The following MTA3 variants were observed in gnomAD, a reference collection of about 807,000 sequenced individuals.
The protein encoded by MTA3 is metastasis-associated protein MTA3.
MTA3 carries 34 observed loss-of-function variants against 83.5 expected under a neutral mutation model. That is an observed-to-expected ratio of 0.41 (90% confidence interval 0.31 to 0.54). MTA3 has a LOEUF of 0.54. MTA3 is among the 20% of genes least tolerant of loss of function. The pLI is 0.33. For missense variants in MTA3, 761 were observed against 726.4 expected, an observed-to-expected ratio of 1.05 and a Z score of -0.55; for synonymous variants, 303 against 252.7, an observed-to-expected ratio of 1.20 and a Z score of -1.89.
intron 3 of MTA3, among the ~76,000 whole-genome samples, chr2:42,602,243 C>G (rs1311215607): frequency 6.6e-6 from 1 of 152,122 alleles, no homozygotes; most frequent in African/African-American, 2.4e-5. Context: ...TCCTGAAGTG[C>G]TGGGATTACA....
At chr2:42,635,394 G>A (rs1264819386) in intron 4 of MTA3, among the ~76,000 whole-genome samples, 2 of 152,052 alleles carry the variant, frequency 1.3e-5, no homozygotes, top group African/African-American at 2.4e-5. Flanking sequence ...TTGGGAGGCC[G>A]AGGCGGGTGG....
At chr2:42,743,165 G>A (rs1184516269) in intron 16 of MTA3, among the ~76,000 whole-genome samples, 1 of 152,148 alleles carries the variant, frequency 6.6e-6, no homozygotes, top group Non-Finnish European at 1.5e-5. Flanking sequence ...GGCTGTACAG[G>A]CCTCTCATCC....
At chr2:42,529,913 C>T (rs1389556047) in intron 2 of MTA3, among the ~76,000 whole-genome samples, 1 of 152,184 alleles carries the variant, frequency 6.6e-6, no homozygotes, top group Non-Finnish European at 1.5e-5. Flanking sequence ...ATCGGACAGG[C>T]GCGGTGGCTC....
intron 6 of MTA3, 60 bp from the exon 7 acceptor site, chr2:42,656,140 G>T: frequency 8.1e-7 from 1 of 1,233,476 alleles, no homozygotes. Context: ...GTTGTCATCA[G>T]TGGTATGAGA....
intron 4 of MTA3, among the ~76,000 whole-genome samples, chr2:42,611,577 C>T (rs187011194): frequency 6.6e-6 from 1 of 152,132 alleles, no homozygotes; most frequent in Non-Finnish European, 1.5e-5. Flanking sequence ...CTTTGGGAGG[C>T]CTAGGTGGGA....
intron 8 of MTA3, among the ~76,000 whole-genome samples, chr2:42,666,566 G>A (rs1690253686): frequency 6.6e-6 from 1 of 152,144 alleles, no homozygotes; most frequent in Non-Finnish European, 1.5e-5. Context: ...GCCCCACATA[G>A]TTAACTCTGT....
Position 42,586,518 on chromosome 2 carries a change from A to T in MTA3, c.190+7318A>T, listed in dbSNP as rs1450456953. ...CACACACACACACACACACACAAAC[A>T]CACAAAGGAAGGAAAAACACACACA... On this transcript the variant is annotated intron_variant, in intron 3 of 16. Coordinates refer to ENST00000405094, the MANE Select transcript of MTA3 (RefSeq NM_001330442.2). 7.6e-5 allele frequency among the ~76,000 whole-genome samples: 11 copies of T among 145,384 alleles called. No individual in the cohort carries two copies. In the Admixed American group the frequency reaches 7.9e-4, roughly 10 times the overall value.
chr2:42,533,083 CTTTT>C (rs1165012015), intron 2 of MTA3: 24 of 116,972 alleles, frequency 2.1e-4, no homozygotes, highest in South Asian at 7.5e-4. Context: ...GTGGGGCATT[CTTTT>C]TTTTTTTTTT....
At chr2:42,665,104 A>G (rs1398406395) in intron 8 of MTA3, among the ~76,000 whole-genome samples, 2 of 152,238 alleles carry the variant, frequency 1.3e-5, no homozygotes, top group East Asian at 1.9e-4. Context: ...TACAATATAC[A>G]AAGAAGAATA....
intron 2 of MTA3, among the ~76,000 whole-genome samples, chr2:42,533,831 CAAAAAAA>C (rs11362156): frequency 4.4e-5 from 5 of 114,922 alleles, no homozygotes; most frequent in Admixed American, 9.3e-5. Context: ...GACTCCGTCT[CAAAAAAA>C]AAAAAAAAAA....
intron 3 of MTA3, among the ~76,000 whole-genome samples, chr2:42,596,677 T>A (rs1681824176): frequency 6.6e-6 from 1 of 152,354 alleles, no homozygotes; most frequent in Middle Eastern, 3.4e-3. Context: ...GATCATTAAA[T>A]GAGGCATTCC....
At chr2:42,496,882 C>T (rs1674161267) in intron 2 of MTA3, among the ~76,000 whole-genome samples, 1 of 152,182 alleles carries the variant, frequency 6.6e-6, no homozygotes, top group African/African-American at 2.4e-5. Flanking sequence ...TCCTTCCATC[C>T]ATTTTCATCA....
chr2:42,634,136 G>A (rs1351791685), intron 4 of MTA3, among the ~76,000 whole-genome samples: 1 of 152,068 alleles, frequency 6.6e-6, no homozygotes, highest in Non-Finnish European at 1.5e-5. Flanking sequence ...GCATGAGACA[G>A]CCTCCACAAC....
chr2:42,499,902 A>G (rs1171559889), intron 2 of MTA3, among the ~76,000 whole-genome samples: 1 of 152,144 alleles, frequency 6.6e-6, no homozygotes, highest in African/African-American at 2.4e-5. Flanking sequence ...AGTTGTATAC[A>G]TGAAATATGT....
intron 11 of MTA3, among the ~76,000 whole-genome samples, chr2:42,699,605 C>T (rs947884546): frequency 2.6e-5 from 4 of 152,022 alleles, no homozygotes; most frequent in African/African-American, 4.8e-5. Flanking sequence ...CTGGAAATGG[C>T]GTGATATTTG....
rs753545173 is a variant in MTA3, at chr2:42,754,303, CTGTT to C, written c.*907_*910del. 35 of 985,362 alleles carry C rather than the reference CTGTT, an allele frequency of 3.6e-5. No homozygotes were observed. Among genetic ancestry groups the C allele is most frequent in the Middle Eastern group, 5.2e-4 (1 of 1,936 alleles). 61.0% of individuals were successfully genotyped at this position (985,362 alleles called of 1,614,324 possible). A position where few individuals can be genotyped will look rare whatever the true frequency, so the allele number is the denominator to read the frequency against. On this transcript the variant is annotated 3_prime_UTR_variant, in exon 17 of 17. Transcript: ENST00000405094. The stretch of plus-strand genomic sequence containing the variant: ...TAGTTTCATTTTAAGCAGACAGACT[CTGTT>C]TGGCCTAGAGGTGTGGAGTGAGAGA...
intron 2 of MTA3, among the ~76,000 whole-genome samples, chr2:42,572,137 G>A (rs1026965955): frequency 1.5e-4 from 22 of 151,580 alleles, no homozygotes; most frequent in African/African-American, 2.9e-4. Context: ...AAATTAGCCG[G>A]GCATGGTGGT....
At chr2:42,558,028 A>G (rs1035951470) in intron 2 of MTA3, among the ~76,000 whole-genome samples, 3 of 152,012 alleles carry the variant, frequency 2.0e-5, no homozygotes, top group Non-Finnish European at 4.4e-5. Context: ...ATTGGCCACC[A>G]CTTTGCCAAA....
At position 42,548,846 on chromosome 2, in the gene MTA3, A is replaced by ATAATAT. The variant is rs1553340715; in HGVS notation, c.-140-21591_-140-21590insTAATAT. ...ATATATATAATATATATATATATAT[A>ATAATAT]ATATATATATATAATATATATATAT... On this transcript the variant is annotated intron_variant, in intron 2 of 17. Transcript: ENST00000405592. 3.5e-3 allele frequency among the ~76,000 whole-genome samples: 52 copies of ATAATAT among 15,054 alleles called. 3 individuals carry two copies. The highest frequency in any genetic ancestry group is 0.013 in the African/African-American group (50 of 3,790). 9.9% of individuals were successfully genotyped at this position (15,054 alleles called of 152,430 possible).
Sources: allele counts gnomAD v4.1 joint callset (sites outside exome capture counted in the v4.1 genomes callset), GRCh38; gene constraint gnomAD v4.1.1; transcripts MANE v1.5; gene names NCBI Gene and HGNC (gene_info 2026-07-23, HGNC 2026-07-21).